ZNF717: variants seen among roughly 807,000 people sequenced by gnomAD.
ZNF717 encodes the protein krueppel-like factor X17.
ZNF717 carries 9 observed loss-of-function variants against 13.8 expected under a neutral mutation model. The observed-to-expected ratio is 0.65, with a 90% confidence interval of 0.39 to 1.14. ZNF717 has a LOEUF of 1.14. ZNF717 is among the 50% of genes most tolerant of loss of function. The probability of loss-of-function intolerance (pLI) is 0.01; values close to 1 mark genes in which losing one functional copy is unlikely to be tolerated. For synonymous variants in ZNF717, 327 were observed against 364.1 expected (o/e 0.90, Z 1.16); for missense variants, 1,040 against 1,080.7 (o/e 0.96, Z 0.53).
At chr3:75,753,270 A>G (rs12485731) in intron 2 of ZNF717, among the ~76,000 whole-genome samples, 13,835 of 150,988 alleles carry the variant, frequency 0.092, 1,023 homozygotes, top group African/African-American at 0.2. Flanking sequence ...TGTCCCTCAC[A>G]TAACATTCCA....
At chr3:75,741,582 C>A (rs202161426) in intron 3 of ZNF717, 28 bp downstream of exon 3, 6 of 1,486,218 alleles carry the variant, frequency 4.0e-6, no homozygotes, top group South Asian at 2.4e-5. Context: ...AAATACAATC[C>A]TGGGAGTTAC....
chr3:75,730,485 T>C (rs185760850), exon 6 of ZNF717: 2 of 538,176 alleles, frequency 3.7e-6, no homozygotes, highest in Non-Finnish European at 6.5e-6. Flanking sequence ...TTTGGAAAAA[T>C]AAAAGAACAA....
At chr3:75,701,639 G>A (rs1575711209) in intron 6 of ZNF717, among the ~76,000 whole-genome samples, 3 of 152,302 alleles carry the variant, frequency 2.0e-5, no homozygotes, top group East Asian at 1.9e-4. Context: ...GCAGTGAGCA[G>A]AGATTGCGCC....
downstream of ZNF717, among the ~76,000 whole-genome samples, chr3:75,706,722 G>A (rs1281527789): frequency 1.3e-4 from 20 of 151,978 alleles, no homozygotes; most frequent in African/African-American, 4.9e-4. Context: ...GCTCCCATTG[G>A]ACTATTAGCT....
At chr3:75,746,725 G>A (rs1277975055) in intron 2 of ZNF717, among the ~76,000 whole-genome samples, 1 of 151,722 alleles carries the variant, frequency 6.6e-6, no homozygotes, top group Non-Finnish European at 1.5e-5. Flanking sequence ...TTGTTGATGG[G>A]TTTTTTCTTG....
downstream of ZNF717, among the ~76,000 whole-genome samples, chr3:75,734,159 T>G (rs1379908725): frequency 6.6e-6 from 1 of 152,080 alleles, no homozygotes; most frequent in African/African-American, 2.4e-5. Flanking sequence ...AACCTCTGCC[T>G]CCCAGGTTCA....
At chr3:75,708,177 C>T (rs1937843594), downstream of ZNF717, among the ~76,000 whole-genome samples, 1 of 152,278 alleles carries the variant, frequency 6.6e-6, no homozygotes, top group South Asian at 2.1e-4. Context: ...GACCCCCGAG[C>T]AGCCTAACTG....
intron 4 of ZNF717, among the ~76,000 whole-genome samples, chr3:75,724,718 C>A (rs1169320396): frequency 1.3e-5 from 2 of 152,186 alleles, no homozygotes; most frequent in African/African-American, 4.8e-5. Flanking sequence ...AATAATAGAA[C>A]TGCTACTATT....
intron 2 of ZNF717, among the ~76,000 whole-genome samples, chr3:75,748,610 C>T (rs1345512911): frequency 2.2e-3 from 329 of 152,206 alleles, no homozygotes; most frequent in African/African-American, 5.9e-3. Flanking sequence ...TCTGAATACA[C>T]GCAGAAAAGG....
chr3:75,741,781 T>G lies in ZNF717; in HGVS notation c.58-45A>C, dbSNP rs567046901. On this transcript the variant is annotated intron_variant, in intron 2 of 4. Transcript: ENST00000652011. ...TTGTAGGTCTCCAGCATCACGTTCCTGTACAGGGTCCTCTAAGCATCATCC... is the reference window on the plus strand; with the variant it reads ...TTGTAGGTCTCCAGCATCACGTTCCGGTACAGGGTCCTCTAAGCATCATCC... The G allele has an allele frequency of 3.6e-5, 57 of 1,561,822 alleles. No homozygotes were observed. In the African/African-American group the frequency reaches 7.8e-4, roughly 21 times the overall value.
chr3:75,725,877 T>C (rs1285554439), downstream of ZNF717, among the ~76,000 whole-genome samples: 1 of 152,238 alleles, frequency 6.6e-6, no homozygotes, highest in Non-Finnish European at 1.5e-5. Flanking sequence ...CCAAACCATA[T>C]CAGTCTCATA....
chr3:75,779,153 G>C (rs7645249), intron 2 of ZNF717, among the ~76,000 whole-genome samples: 6 of 150,954 alleles, frequency 4.0e-5, no homozygotes, highest in African/African-American at 1.2e-4. Flanking sequence ...TGGGAGTGAC[G>C]TGCGAAAACC....
downstream of ZNF717, among the ~76,000 whole-genome samples, chr3:75,731,390 TA>T (rs1938539099): frequency 6.6e-6 from 1 of 151,688 alleles, no homozygotes; most frequent in Admixed American, 6.6e-5. Flanking sequence ...AATTAAAAAA[TA>T]AAATAATAAT....
intron 2 of ZNF717, among the ~76,000 whole-genome samples, chr3:75,781,906 G>A (rs7652271): frequency 8.6e-5 from 13 of 151,642 alleles, no homozygotes; most frequent in East Asian, 1.9e-4. Flanking sequence ...ACCATCTGTC[G>A]TTTTAACTTT....
At chr3:75,742,165 A>T (rs1940547555) in intron 2 of ZNF717, among the ~76,000 whole-genome samples, 1 of 152,154 alleles carries the variant, frequency 6.6e-6, no homozygotes, top group Admixed American at 6.5e-5. Context: ...TCTCTACAAA[A>T]ATAATAAAAA....
chr3:75,733,907 G>C (rs552218713), downstream of ZNF717, among the ~76,000 whole-genome samples: 271 of 147,928 alleles, frequency 1.8e-3, no homozygotes, highest in African/African-American at 6.1e-3. Context: ...TCAGTGCCCT[G>C]TGAGATCTTC....
intron 4 of ZNF717, among the ~76,000 whole-genome samples, chr3:75,723,805 T>A (rs79127071): frequency 1.5e-5 from 2 of 136,528 alleles, no homozygotes; most frequent in African/African-American, 5.3e-5. Context: ...ACTTAGCAGA[T>A]CGGGAAAGCG....
At chr3:75,758,015 G>A (rs1268852032) in intron 2 of ZNF717, among the ~76,000 whole-genome samples, 1 of 151,172 alleles carries the variant, frequency 6.6e-6, no homozygotes, top group Non-Finnish European at 1.5e-5. Context: ...ATACTTGGGA[G>A]GCTGAGGCAG....
At chr3:75,754,118 T>C (rs1230573015) in intron 2 of ZNF717, among the ~76,000 whole-genome samples, 1 of 152,264 alleles carries the variant, frequency 6.6e-6, no homozygotes, top group Non-Finnish European at 1.5e-5. Context: ...CCAAATGTTC[T>C]GGCACTTTAG....
Sources: gnomAD v4.1 joint callset for allele counts (sites outside exome capture counted in the v4.1 genomes callset) on GRCh38, gnomAD v4.1.1 for gene constraint, MANE v1.5 for transcripts, NCBI Gene and HGNC (gene_info 2026-07-23, HGNC 2026-07-21) for gene names.